The following ZHX2 variants were observed in gnomAD, a reference collection of about 807,000 sequenced individuals.
The protein encoded by ZHX2 is zinc fingers and homeoboxes protein 2.
Under a neutral mutation model 21.9 loss-of-function variants are expected in ZHX2, and 6 were observed. The observed-to-expected ratio is 0.27, with a 90% CI of 0.15 to 0.54. ZHX2 has a LOEUF of 0.54. Ranked by LOEUF, ZHX2 falls within the 20% of genes least tolerant of loss-of-function variation. The probability of loss-of-function intolerance (pLI) is 0.95; values close to 1 mark genes in which losing one functional copy is unlikely to be tolerated. For missense variants in ZHX2, 908 were observed against 1,090.7 expected (o/e 0.83, Z 2.36); for synonymous variants, 434 against 437.1 (o/e 0.99, Z 0.09).
At chr8:122,918,312 A>C (rs1820653902) in intron 2 of ZHX2, among the ~76,000 whole-genome samples, 1 of 152,202 alleles carries the variant, frequency 6.6e-6, no homozygotes, top group Admixed American at 6.5e-5. Context: ...ATAGGCCTTG[A>C]GGACGAAATC....
At chr8:122,791,867 A>AC (rs1817525115) in intron 1 of ZHX2, among the ~76,000 whole-genome samples, 1 of 57,262 alleles carries the variant, frequency 1.7e-5, no homozygotes. Flanking sequence ...TCCATCTCAT[A>AC]AAAAAAAAAA....
rs865886680 is a variant in ZHX2 at position 122,822,170 on chromosome 8, C to A, written c.-283+40224C>A. The stretch of plus-strand genomic sequence containing the variant: ...GCATTTTGAAAAAATGAATTTCATG[C>A]CTTAAAATGCTTGGAAACCAGTATC... On this transcript the variant is annotated intron_variant, in intron 1 of 3. Coordinates refer to ENST00000314393, the MANE Select transcript of ZHX2 (RefSeq NM_014943.5). Among the ~76,000 whole-genome samples the A allele has an allele frequency of 6.6e-5, 10 of 152,270 alleles. 1 individual carries two copies. The South Asian group carries it at 1.5e-3, about 22-fold the overall frequency.
Position 122,952,147 on chromosome 8 carries a change from G to A in ZHX2, c.637G>A (p.Glu213Lys), listed in dbSNP as rs764044387. ...GGAGATCACCCCCGAGAACCACGTG[G>A]AAGGGACCGCCCGCCTGGTGACAGA... ...PEEITPENHV[E>K]GTARLVTDTA... Residue 213 changes from glutamate (E) to lysine (K), a missense_variant, in exon 3 of 4, where the codon GAA becomes AAA. Physicochemically the swap from Glu to Lys is moderately conservative, Grantham distance 56. This residue lies in a region of ZHX2 where 220 missense variants were observed against 251.4 expected (regional missense o/e 0.88). Transcript: ENST00000314393. This position sits in a 1 kb window ranked among gnomAD's most constrained non-coding sequence, Gnocchi z 6.9. The A allele has an allele frequency of 1.9e-6, 3 of 1,613,488 alleles. No homozygotes were observed. The highest frequency in any genetic ancestry group is 1.1e-5 in the South Asian group (1 of 91,006).
intron 2 of ZHX2, among the ~76,000 whole-genome samples, chr8:122,945,188 G>A (rs559476573): frequency 8.5e-4 from 130 of 152,236 alleles, no homozygotes; most frequent in Admixed American, 1.9e-3. Context: ...TACCAGCTAC[G>A]AACTCCTTGA....
At chr8:122,793,555 A>T (rs901502156) in intron 1 of ZHX2, among the ~76,000 whole-genome samples, 4 of 152,230 alleles carry the variant, frequency 2.6e-5, no homozygotes, top group African/African-American at 9.6e-5. Context: ...GGGCCCTATC[A>T]TGGCCTTTTT....
rs532743818 is a variant in ZHX2, at chr8:122,797,423, C to G, written c.-283+15477C>G. Among the ~76,000 whole-genome samples the G allele has an allele frequency of 7.2e-5, 11 of 152,336 alleles. No homozygotes were observed. The South Asian group carries it at 2.3e-3, about 32-fold the overall frequency. ...GAGCCTGGAGACTGTGGGGGAAGCA[C>G]ATGACCGTCGGGCCAGTAGTGCCTG... On this transcript the variant is annotated intron_variant, in intron 1 of 3. Transcript: ENST00000314393.
intron 1 of ZHX2, among the ~76,000 whole-genome samples, chr8:122,798,154 A>G (rs1164496555): frequency 6.6e-6 from 1 of 152,222 alleles, no homozygotes; most frequent in Non-Finnish European, 1.5e-5. Context: ...TGGGGGATAC[A>G]GAAAATGCCA....
chr8:122,911,028 TAGG>T (rs1176445201), intron 2 of ZHX2, among the ~76,000 whole-genome samples: 3 of 152,092 alleles, frequency 2.0e-5, no homozygotes, highest in African/African-American at 7.2e-5. Flanking sequence ...TAGAAAACAA[TAGG>T]AGGTGTTGTA....
intron 2 of ZHX2, among the ~76,000 whole-genome samples, chr8:122,879,108 C>T (rs1305477623): frequency 2.6e-5 from 4 of 152,212 alleles, no homozygotes; most frequent in Admixed American, 6.5e-5. Context: ...TAGCCTCGTG[C>T]CTCTCGGCAG....
At chr8:122,800,391 C>T (rs1490436735) in intron 1 of ZHX2, among the ~76,000 whole-genome samples, 5 of 152,290 alleles carry the variant, frequency 3.3e-5, no homozygotes, top group East Asian at 1.9e-4. Flanking sequence ...TGAGGCGCCC[C>T]GGCAAGGAAG....
At chr8:122,799,163 G>A (rs552190151) in intron 1 of ZHX2, among the ~76,000 whole-genome samples, 1 of 152,168 alleles carries the variant, frequency 6.6e-6, no homozygotes, top group African/African-American at 2.4e-5. Context: ...ACCACTCCCA[G>A]CCCTTTTGAT....
At chr8:122,938,004 C>T (rs1313477679) in intron 2 of ZHX2, among the ~76,000 whole-genome samples, 1 of 126,724 alleles carries the variant, frequency 7.9e-6, no homozygotes, top group African/African-American at 3.0e-5. Flanking sequence ...GGCGAGATCC[C>T]GGCTCACTGC....
chr8:122,870,754 G>A (rs574720599), intron 2 of ZHX2, among the ~76,000 whole-genome samples: 5 of 151,796 alleles, frequency 3.3e-5, no homozygotes, highest in Admixed American at 2.6e-4. Flanking sequence ...GATGGTGGCT[G>A]TTCCGATGGC....
chr8:122,951,901 A>G lies in ZHX2; in HGVS notation c.391A>G (p.Lys131Glu), dbSNP rs768110383. 1.2e-6 allele frequency: 2 copies of G among 1,614,144 alleles called. No individual in the cohort carries two copies. The highest frequency in any genetic ancestry group is 8.5e-7 in the Non-Finnish European group (1 of 1,180,018). The change falls in exon 3 of 4, where the codon AAG (lysine) becomes GAG (glutamate). Residue 131 changes from lysine (K) to glutamate (E), a missense_variant. Coordinates refer to ENST00000314393, the MANE Select transcript of ZHX2 (RefSeq NM_014943.5). ...CGACTCCCTATCCGACCACAACTCC[A>G]AGTTCCATCCCGGGGAGGCCAACTT... Reference protein sequence around the residue: ...KYDSLSDHNSKFHPGEANFKL... With the variant: ...KYDSLSDHNSEFHPGEANFKL...
chr8:122,826,507 A>G (rs1047295750), intron 1 of ZHX2, among the ~76,000 whole-genome samples: 2 of 152,202 alleles, frequency 1.3e-5, no homozygotes, highest in African/African-American at 4.8e-5. Flanking sequence ...GCTGAGATTT[A>G]TACCAATTAG....
intron 3 of ZHX2, among the ~76,000 whole-genome samples, chr8:122,958,269 C>A (rs1447384528): frequency 6.6e-6 from 1 of 152,232 alleles, no homozygotes; most frequent in African/African-American, 2.4e-5. Flanking sequence ...GAATACTTCC[C>A]AGCCTTTGAA....
At chr8:122,879,390 A>G (rs1819647628) in intron 2 of ZHX2, among the ~76,000 whole-genome samples, 1 of 152,040 alleles carries the variant, frequency 6.6e-6, no homozygotes, top group African/African-American at 2.4e-5. Flanking sequence ...TATTTTTAGT[A>G]GAGATGGGGT....
At chr8:122,971,931 C>T (rs184762783) in intron 3 of ZHX2, among the ~76,000 whole-genome samples, 1 of 152,266 alleles carries the variant, frequency 6.6e-6, no homozygotes, top group Admixed American at 6.5e-5. Flanking sequence ...GGCCAGAAGA[C>T]AAAAATCAGG....
rs553395724 is a variant in ZHX2, at chr8:122,944,042, G to C, written c.-219-7250G>C. Reference sequence around the variant, plus strand: ...TCTTGCCTTCTGACTTGCTCATGCTGTCTGCTCTGCCTGGGAAGACTAGGT... The same window carrying C: ...TCTTGCCTTCTGACTTGCTCATGCTCTCTGCTCTGCCTGGGAAGACTAGGT... On this transcript the variant is annotated intron_variant, in intron 2 of 3. Transcript: ENST00000314393. 9.9e-5 allele frequency among the ~76,000 whole-genome samples: 15 copies of C among 152,258 alleles called. No homozygotes were observed. In the East Asian group the frequency reaches 2.7e-3, roughly 27 times the overall value.
Sources: allele counts gnomAD v4.1 joint callset (sites outside exome capture counted in the v4.1 genomes callset), GRCh38; gene constraint gnomAD v4.1.1; regional missense constraint gnomAD v4.1.1; non-coding constraint Gnocchi (gnomAD v3.1); transcripts MANE v1.5; gene names NCBI Gene and HGNC (gene_info 2026-07-23, HGNC 2026-07-21).